The following TOX variants were observed in gnomAD, a reference collection of about 807,000 sequenced individuals.
TOX encodes thymocyte selection associated high mobility group box.
TOX carries 11 observed loss-of-function variants against 53.7 expected under a neutral mutation model. The ratio of observed to expected loss-of-function variants is 0.20; its 90% CI spans 0.13 to 0.34. The LOEUF is 0.34. Among genes scored for constraint, TOX ranks in the 10% least tolerant of loss-of-function variants. The probability of loss-of-function intolerance (pLI) is 1.00; values close to 1 mark genes in which losing one functional copy is unlikely to be tolerated. For missense variants in TOX, 570 were observed against 664.6 expected, an observed-to-expected ratio of 0.86 and a Z score of 1.56; for synonymous variants, 225 against 245.3, an observed-to-expected ratio of 0.92 and a Z score of 0.77.
intron 1 of TOX, among the ~76,000 whole-genome samples, chr8:59,032,273 G>A (rs953088977): frequency 6.6e-6 from 1 of 152,110 alleles, no homozygotes; most frequent in Non-Finnish European, 1.5e-5. Context: ...GTTCTCTTAC[G>A]GCCACTTTAA....
chr8:59,083,384 T>G (rs1382132473), intron 1 of TOX, among the ~76,000 whole-genome samples: 1 of 152,198 alleles, frequency 6.6e-6, no homozygotes, highest in African/African-American at 2.4e-5. Flanking sequence ...GGTCCTCCTA[T>G]CAACAATCAA....
intron 6 of TOX, 87 bp downstream of exon 6, chr8:58,826,733 TAA>T: frequency 8.8e-7 from 1 of 1,140,876 alleles, no homozygotes. Flanking sequence ...GCAGAATCGT[TAA>T]AGTGATCTTT....
At chr8:58,873,034 T>A (rs1041024105) in intron 3 of TOX, among the ~76,000 whole-genome samples, 4 of 152,248 alleles carry the variant, frequency 2.6e-5, no homozygotes, top group Admixed American at 6.6e-5. Flanking sequence ...AACTTATTTT[T>A]AAAAATTGCC....
intron 1 of TOX, among the ~76,000 whole-genome samples, chr8:58,986,628 G>A (rs1009533619): frequency 6.6e-6 from 1 of 152,156 alleles, no homozygotes; most frequent in Non-Finnish European, 1.5e-5. Flanking sequence ...GCAATGTCAC[G>A]TATTGTGCTC....
intron 1 of TOX, among the ~76,000 whole-genome samples, chr8:58,983,328 T>C (rs1813235814): frequency 6.6e-6 from 1 of 152,148 alleles, no homozygotes; most frequent in Admixed American, 6.5e-5. Flanking sequence ...TTTGAGTCAG[T>C]AGGTCAGCAA....
chr8:58,807,759 C>CAGTG lies in TOX; in HGVS notation c.1565_1568dup (p.Tyr524ThrfsTer8). The CAGTG allele has an allele frequency of 6.2e-7, 1 of 1,614,094 alleles. No homozygotes were observed. On this transcript the variant is annotated frameshift_variant, in exon 9 of 9. Coordinates refer to ENST00000361421, the MANE Select transcript of TOX (RefSeq NM_014729.3). LOFTEE classifies it high-confidence loss of function. ...GGTGTTCAGATTCTCAAGTAAGGTA[C>CAGTG]AGTGCTTTGTCCCTCTGCATGCCCC...
intron 3 of TOX, among the ~76,000 whole-genome samples, chr8:58,857,855 C>T (rs1462093871): frequency 6.6e-6 from 1 of 152,134 alleles, no homozygotes; most frequent in African/African-American, 2.4e-5. Context: ...CTGCAACCTC[C>T]GCCTCCCAGG....
At chr8:58,824,556 C>T (rs1387772857) in intron 6 of TOX, among the ~76,000 whole-genome samples, 1 of 152,220 alleles carries the variant, frequency 6.6e-6, no homozygotes, top group African/African-American at 2.4e-5. Context: ...CTGGCCAGCT[C>T]TTTCCTCTGG....
At chr8:59,034,552 T>A (rs992082090) in intron 1 of TOX, among the ~76,000 whole-genome samples, 4 of 152,112 alleles carry the variant, frequency 2.6e-5, no homozygotes, top group African/African-American at 7.2e-5. Context: ...AATGGCTTGG[T>A]CCTGTCTGTC....
intron 1 of TOX, among the ~76,000 whole-genome samples, chr8:59,029,171 A>G (rs1814302850): frequency 6.6e-6 from 1 of 152,052 alleles, no homozygotes; most frequent in Admixed American, 6.6e-5. Flanking sequence ...TTCTTTTCCT[A>G]TACACTCTCA....
chr8:58,855,701 G>A (rs1264132045), intron 3 of TOX, among the ~76,000 whole-genome samples: 1 of 152,064 alleles, frequency 6.6e-6, no homozygotes, highest in East Asian at 1.9e-4. Context: ...AATGACATCT[G>A]TCCCCCAAAT....
intron 3 of TOX, among the ~76,000 whole-genome samples, chr8:58,906,531 C>T (rs920140484): frequency 2.6e-5 from 4 of 152,186 alleles, no homozygotes; most frequent in African/African-American, 9.7e-5. Flanking sequence ...CAATTACAAT[C>T]TGTCAAACTG....
intron 1 of TOX, among the ~76,000 whole-genome samples, chr8:59,061,575 C>T (rs561151888): frequency 2.6e-5 from 4 of 152,250 alleles, no homozygotes; most frequent in African/African-American, 9.6e-5. Context: ...TCCCCCACCC[C>T]ATAGTCACTA....
chr8:58,856,509 T>C (rs1428294185), intron 3 of TOX, among the ~76,000 whole-genome samples: 1 of 152,176 alleles, frequency 6.6e-6, no homozygotes, highest in Non-Finnish European at 1.5e-5. Flanking sequence ...GGGAACTTCT[T>C]AGTCACAAGA....
intron 1 of TOX, among the ~76,000 whole-genome samples, chr8:59,068,902 C>T (rs1804143121): frequency 6.6e-6 from 1 of 152,068 alleles, no homozygotes; most frequent in Non-Finnish European, 1.5e-5. Context: ...GAAGGGCTTC[C>T]TAAAAGGAGT....
chr8:58,887,931 G>C (rs2129171535), intron 3 of TOX, among the ~76,000 whole-genome samples: 1 of 152,170 alleles, frequency 6.6e-6, no homozygotes, highest in South Asian at 2.1e-4. Context: ...AGGTGATTTT[G>C]TCACTGTGTA....
In TOX at chr8:58,807,645, G is replaced by T; in HGVS notation, c.*102C>A. On this transcript the variant is annotated 3_prime_UTR_variant, in exon 9 of 9. Transcript: ENST00000361421. ...AATGGTCCTAAGTGCTTAGCAACTT[G>T]TATTTTCTAATAAAATGGAGAACTG... The T allele has an allele frequency of 7.2e-7, 1 of 1,395,972 alleles. No individual in the cohort carries two copies. The highest frequency in any genetic ancestry group is 1.0e-6 in the Non-Finnish European group (1 of 995,260). The allele number at this position is 1,395,972 out of a possible 1,614,324, so 86.5% of individuals were successfully genotyped here.
chr8:59,092,877 G>A (rs1447992819), intron 1 of TOX, among the ~76,000 whole-genome samples: 2 of 151,974 alleles, frequency 1.3e-5, no homozygotes, highest in South Asian at 2.1e-4. Flanking sequence ...TTACCTCCCC[G>A]TGCCTAGAAC....
intron 1 of TOX, among the ~76,000 whole-genome samples, chr8:59,050,763 T>C (rs1025490306): frequency 1.3e-5 from 2 of 152,164 alleles, no homozygotes; most frequent in Non-Finnish European, 2.9e-5. Context: ...CTTTGTAATC[T>C]CATTTTGACA....
Sources: allele counts gnomAD v4.1 joint callset (sites outside exome capture counted in the v4.1 genomes callset), GRCh38; gene constraint gnomAD v4.1.1; transcripts MANE v1.5; gene names NCBI Gene and HGNC (gene_info 2026-07-23, HGNC 2026-07-21).